Variants in GPC3 observed in about 807,000 individuals in gnomAD.
GPC3 encodes the protein glypican 3.
In GPC3, 3 loss-of-function variants were observed where a neutral mutation model predicts 34.4. That is an observed-to-expected ratio of 0.09 (90% CI 0.04 to 0.23). The LOEUF (loss-of-function observed/expected upper bound fraction) is 0.23. Ranked by LOEUF, GPC3 falls within the 10% of genes least tolerant of loss-of-function variation. GPC3 has a pLI of 1.00. For synonymous variants in GPC3, 177 were observed against 174.0 expected, an observed-to-expected ratio of 1.02 and a Z score of -0.13; for missense variants, 351 against 445.6, an observed-to-expected ratio of 0.79 and a Z score of 1.91.
Position 133,850,189 on chromosome X carries a change from G to GTTTTT in GPC3, c.338-96014_338-96013insAAAAA, listed in dbSNP as rs1282213093. On this transcript the variant is annotated intron_variant, in intron 2 of 7. Transcript: ENST00000370818. Reference sequence around the variant, plus strand: ...GGTATTTTTTTTGTTTGTTTTTTGGGTTTTGTTTTTTTTTTTTTTTTTTTG... The same window carrying GTTTTT: ...GGTATTTTTTTTGTTTGTTTTTTGGGTTTTTTTTTGTTTTTTTTTTTTTTTTTTTG... Among the ~76,000 whole-genome samples, 112 of 72,623 alleles carry GTTTTT rather than the reference G, an allele frequency of 1.5e-3. 5 individuals are homozygous for GTTTTT. Among genetic ancestry groups the GTTTTT allele is most frequent in the African/African-American group, 7.0e-3 (92 of 13,124 alleles). The allele number at this position is 72,623 out of a possible 115,157, so 63.1% of individuals were successfully genotyped here.
At chrX:133,604,012 AG>A (rs765889058) in intron 6 of GPC3, among the ~76,000 whole-genome samples, 2 of 111,517 alleles carry the variant, frequency 1.8e-5, no homozygotes, top group East Asian at 5.7e-4. Context: ...TTGATTGCAA[AG>A]ATATGAAGCT....
rs189950847 is a variant in GPC3 at position 133,947,416 on chromosome X, G to C, written c.337+5634C>G. Among the ~76,000 whole-genome samples, 4 of 111,438 alleles carry C rather than the reference G, an allele frequency of 3.6e-5. No homozygotes were observed. The East Asian group carries it at 8.5e-4, about 24-fold the overall frequency. On this transcript the variant is annotated intron_variant, in intron 2 of 7. Transcript: ENST00000370818. The stretch of plus-strand genomic sequence containing the variant: ...ATGGTCTCTGGCTGCATATTGAGTC[G>C]TTTTTCTAAGCTCTTTTCATTAAAC...
chrX:133,782,794 A>G lies in GPC3; in HGVS notation c.338-28618T>C, dbSNP rs191037698. ...ACAAACAAGAGATGACCATAGAGAG[A>G]CTGGATGCTTATCATATAAATGTCT... On this transcript the variant is annotated intron_variant, in intron 2 of 7. Transcript: ENST00000370818. Among the ~76,000 whole-genome samples the G allele has an allele frequency of 5.7e-3, 632 of 111,807 alleles. 3 individuals are homozygous for G. The highest frequency in any genetic ancestry group is 9.6e-3 in the Non-Finnish European group (510 of 53,163).
intron 7 of GPC3, among the ~76,000 whole-genome samples, chrX:133,593,353 G>GA (rs1569391707): frequency 9.8e-4 from 57 of 58,085 alleles, no homozygotes; most frequent in Non-Finnish European, 1.6e-3. Flanking sequence ...AAAAAAAAAA[G>GA]TAAAAAAAAA....
intron 3 of GPC3, among the ~76,000 whole-genome samples, chrX:133,735,022 T>C (rs1044119118): frequency 8.9e-6 from 1 of 111,876 alleles, no homozygotes; most frequent in African/African-American, 3.2e-5. Flanking sequence ...AGACTTAATG[T>C]CAAGATGGCA....
intron 2 of GPC3, among the ~76,000 whole-genome samples, chrX:133,872,575 T>C (rs1186629548): frequency 9.0e-6 from 1 of 111,357 alleles, no homozygotes; most frequent in East Asian, 2.8e-4. Flanking sequence ...GGGCCTTTGG[T>C]GGAACCTTGA....
intron 2 of GPC3, among the ~76,000 whole-genome samples, chrX:133,901,422 T>C (rs1456167286): frequency 9.0e-6 from 1 of 111,232 alleles, no homozygotes; most frequent in African/African-American, 3.3e-5. Flanking sequence ...TGGATTTTAT[T>C]ATTATTATTA....
At chrX:133,687,243 A>G (rs934491026) in intron 5 of GPC3, among the ~76,000 whole-genome samples, 5 of 105,875 alleles carry the variant, frequency 4.7e-5, no homozygotes, top group Admixed American at 1.0e-4. Flanking sequence ...TGCCCGGCAG[A>G]GATGGCTTGA....
chrX:133,838,430 G>A (rs1179684262), intron 2 of GPC3, among the ~76,000 whole-genome samples: 1 of 112,257 alleles, frequency 8.9e-6, no homozygotes, highest in Non-Finnish European at 1.9e-5. Context: ...ACCTCATACT[G>A]GGTACTTGAG....
intron 7 of GPC3, among the ~76,000 whole-genome samples, chrX:133,559,733 A>G (rs1290450620): frequency 1.8e-5 from 2 of 112,049 alleles, no homozygotes; most frequent in African/African-American, 6.5e-5. Context: ...AAGATATGTA[A>G]ATAATACTTG....
At chrX:133,687,551 G>T (rs1004376608) in intron 5 of GPC3, among the ~76,000 whole-genome samples, 6 of 107,299 alleles carry the variant, frequency 5.6e-5, no homozygotes, top group African/African-American at 2.0e-4. Flanking sequence ...CTCCCAAGTA[G>T]CTGGGACTAC....
intron 5 of GPC3, chrX:133,671,463 A>G (rs1332213380): frequency 6.7e-6 from 3 of 445,879 alleles, no homozygotes; most frequent in Non-Finnish European, 1.2e-5. Context: ...TTCATGTGAA[A>G]AAAATGTCTT....
In GPC3 at chrX:133,805,627, C is replaced by G. The variant is rs778355106; in HGVS notation, c.338-51451G>C. 5.3e-5 allele frequency among the ~76,000 whole-genome samples: 6 copies of G among 112,207 alleles called. No homozygotes were observed. The South Asian group carries it at 2.2e-3, about 42-fold the overall frequency. ...TTAGAATCTCAGCTTTGCTAATTAACGTGTATGACTTTGACCAAGTTCCTT... is the reference window on the plus strand; with the variant it reads ...TTAGAATCTCAGCTTTGCTAATTAAGGTGTATGACTTTGACCAAGTTCCTT... On this transcript the variant is annotated intron_variant, in intron 2 of 7. Transcript: ENST00000370818.
chrX:133,939,825 G>A (rs1256905703), intron 2 of GPC3, among the ~76,000 whole-genome samples: 1 of 111,550 alleles, frequency 9.0e-6, no homozygotes, highest in Non-Finnish European at 1.9e-5. Flanking sequence ...TAATGAAAGA[G>A]CCCAAGGGTT....
intron 6 of GPC3, among the ~76,000 whole-genome samples, chrX:133,640,929 T>A (rs2070473901): frequency 9.0e-6 from 1 of 111,099 alleles, no homozygotes; most frequent in African/African-American, 3.3e-5. Flanking sequence ...TGGGGACCTT[T>A]TTTTCTATCA....
intron 2 of GPC3, among the ~76,000 whole-genome samples, chrX:133,866,339 C>T (rs2075967206): frequency 9.0e-6 from 1 of 111,241 alleles, no homozygotes. Context: ...GGAAATGGTC[C>T]CCTTCACCTC....
intron 5 of GPC3, among the ~76,000 whole-genome samples, chrX:133,682,179 T>C (rs1202173524): frequency 9.1e-6 from 1 of 110,065 alleles, no homozygotes; most frequent in Non-Finnish European, 1.9e-5. Flanking sequence ...AACCCAGGAG[T>C]TCCAGACCAG....
At chrX:133,570,718 A>G (rs1020124347) in intron 7 of GPC3, among the ~76,000 whole-genome samples, 1 of 111,870 alleles carries the variant, frequency 8.9e-6, no homozygotes, top group Non-Finnish European at 1.9e-5. Flanking sequence ...AGAATTAGAT[A>G]CACAGTCTAG....
chrX:133,616,690 G>T (rs2070167385), intron 6 of GPC3, among the ~76,000 whole-genome samples: 1 of 107,380 alleles, frequency 9.3e-6, no homozygotes, highest in Non-Finnish European at 1.9e-5. Context: ...TGAGAGTACA[G>T]AAATTGATTT....
Sources: allele counts gnomAD v4.1 joint callset (sites outside exome capture counted in the v4.1 genomes callset), GRCh38; gene constraint gnomAD v4.1.1; transcripts MANE v1.5; gene names NCBI Gene and HGNC (gene_info 2026-07-23, HGNC 2026-07-21).